The following PPFIA2 variants were observed in gnomAD, a reference collection of about 807,000 sequenced individuals.
PPFIA2 encodes liprin-alpha-2.
PPFIA2 carries 46 observed loss-of-function variants against 175.5 expected under a neutral mutation model. The observed-to-expected ratio is 0.26, with a 90% confidence interval of 0.21 to 0.34. PPFIA2 has a LOEUF of 0.34. Among genes scored for constraint, PPFIA2 ranks in the 10% least tolerant of loss-of-function variants. PPFIA2 has a pLI of 1.00. For missense variants in PPFIA2, 1,179 were observed against 1,506.1 expected (o/e 0.78, Z 3.60); for synonymous variants, 568 against 511.4 (o/e 1.11, Z -1.49).
chr12:81,404,776 CT>C lies in PPFIA2; in HGVS notation c.762+1010del. Among the ~76,000 whole-genome samples the C allele has an allele frequency of 3.3e-5, 5 of 152,216 alleles. 1 individual carries two copies. In the Middle Eastern group the frequency reaches 0.014, roughly 414 times the overall value. On this transcript the variant is annotated intron_variant, in intron 8 of 32. Coordinates refer to ENST00000549396, the MANE Select transcript of PPFIA2 (RefSeq NM_003625.5). ...TTGAAGGAAGAAACATAAGAAGTCC[CT>C]CTATTTTTTCTAACCACATAAGTGA...
At chr12:81,281,518 C>T (rs1179843019) in intron 26 of PPFIA2, 68 bp from the exon 27 acceptor site, 2 of 1,054,576 alleles carry the variant, frequency 1.9e-6, no homozygotes, top group Non-Finnish European at 2.7e-6. Context: ...ATAATATTAC[C>T]TATTATTATA....
intron 24 of PPFIA2, among the ~76,000 whole-genome samples, chr12:81,285,394 G>C (rs1204376929): frequency 6.6e-6 from 1 of 151,960 alleles, no homozygotes; most frequent in Non-Finnish European, 1.5e-5. Context: ...AATTCACTTT[G>C]GGTTTTTCTG....
intron 22 of PPFIA2, among the ~76,000 whole-genome samples, chr12:81,304,886 A>G (rs1006704034): frequency 1.3e-5 from 2 of 152,098 alleles, no homozygotes; most frequent in African/African-American, 4.8e-5. Flanking sequence ...TGTACATTAT[A>G]AAGGCATTTC....
intron 17 of PPFIA2, 64 bp from the exon 18 acceptor site, chr12:81,347,834 T>C: frequency 6.4e-7 from 1 of 1,562,428 alleles, no homozygotes; most frequent in Non-Finnish European, 8.6e-7. Context: ...TATGCTGCTG[T>C]AAGGATCATT....
chr12:81,454,222 G>T lies in PPFIA2; in HGVS notation c.405+3543C>A, dbSNP rs544061857. On this transcript the variant is annotated intron_variant, in intron 5 of 32. Coordinates refer to ENST00000549396, the MANE Select transcript of PPFIA2 (RefSeq NM_003625.5). ...GCAAGAGTGAGACCTCGTCTCAAAA[G>T]AATTAAAAAAAGAAAAAAATAAATT... Among the ~76,000 whole-genome samples the T allele has an allele frequency of 2.5e-3, 387 of 151,840 alleles. 1 individual carries two copies. Among genetic ancestry groups the T allele is most frequent in the Non-Finnish European group, 3.9e-3 (264 of 67,908 alleles).
intron 4 of PPFIA2, among the ~76,000 whole-genome samples, chr12:81,655,619 T>C (rs1386482422): frequency 6.6e-6 from 1 of 151,912 alleles, no homozygotes; most frequent in Non-Finnish European, 1.5e-5. Flanking sequence ...TTTTTAAAAT[T>C]TTCATGTTTA....
At chr12:81,581,408 GC>G (rs2074381253) in intron 4 of PPFIA2, among the ~76,000 whole-genome samples, 1 of 151,694 alleles carries the variant, frequency 6.6e-6, no homozygotes, top group Non-Finnish European at 1.5e-5. Flanking sequence ...GCCCTTCAGT[GC>G]ATTCTAGTAC....
chr12:81,267,799 ATTGAG>A (rs1474667198), intron 29 of PPFIA2, 108 bp downstream of exon 29: 3 of 878,510 alleles, frequency 3.4e-6, no homozygotes, highest in Non-Finnish European at 4.9e-6. Flanking sequence ...TATTTCAAAC[ATTGAG>A]TTAACTTTCA....
At chr12:81,292,953 T>C (rs1221722762) in intron 24 of PPFIA2, 1 of 152,066 alleles carries the variant, frequency 6.6e-6, no homozygotes, top group Non-Finnish European at 1.5e-5. Context: ...ATAAGCCTTT[T>C]AAATTTGACC....
chr12:81,642,190 C>T (rs1300294349), intron 4 of PPFIA2, among the ~76,000 whole-genome samples: 7 of 152,032 alleles, frequency 4.6e-5, no homozygotes, highest in East Asian at 1.9e-4. Flanking sequence ...CTCAAAGACT[C>T]TGTTATAATA....
chr12:81,299,723 T>C (rs2047348398), intron 22 of PPFIA2, among the ~76,000 whole-genome samples: 1 of 152,164 alleles, frequency 6.6e-6, no homozygotes. Context: ...CAAGTATGCA[T>C]TATGGGATCT....
intron 22 of PPFIA2, among the ~76,000 whole-genome samples, chr12:81,313,123 A>C (rs1350205958): frequency 6.6e-6 from 1 of 152,170 alleles, no homozygotes; most frequent in Non-Finnish European, 1.5e-5. Context: ...TGAAGAACCC[A>C]CTTGCTCCCT....
chr12:81,308,250 A>G (rs903953313), intron 22 of PPFIA2, among the ~76,000 whole-genome samples: 1 of 152,228 alleles, frequency 6.6e-6, no homozygotes, highest in South Asian at 2.1e-4. Context: ...CAGACAAATT[A>G]GGCTTTGGAT....
chr12:81,419,891 G>A (rs1473650414), intron 7 of PPFIA2, among the ~76,000 whole-genome samples: 1 of 152,104 alleles, frequency 6.6e-6, no homozygotes, highest in Non-Finnish European at 1.5e-5. Context: ...TTCAGACACA[G>A]GCACCAAGAA....
At chr12:81,581,634 T>C (rs140281191) in intron 4 of PPFIA2, among the ~76,000 whole-genome samples, 1,607 of 151,910 alleles carry the variant, frequency 0.011, 11 homozygotes, top group Non-Finnish European at 0.012. Flanking sequence ...TATTAGAATA[T>C]AAGCTCCATG....
At chr12:81,500,320 AC>A (rs1212905094) in intron 4 of PPFIA2, among the ~76,000 whole-genome samples, 1 of 152,164 alleles carries the variant, frequency 6.6e-6, no homozygotes, top group South Asian at 2.1e-4. Context: ...GTACTACACT[AC>A]CCCCTCCCAA....
In PPFIA2 at chr12:81,570,286, C is replaced by T. The variant is rs552363264; in HGVS notation, c.303+106505G>A. On this transcript the variant is annotated intron_variant, in intron 4 of 32. Coordinates refer to ENST00000549396, the MANE Select transcript of PPFIA2 (RefSeq NM_003625.5). Reference sequence around the variant, plus strand: ...CATTTAATATTGATTTGTATGTTTTCCTCAAATGTTGATAATATTTTTTTC... The same window carrying T: ...CATTTAATATTGATTTGTATGTTTTTCTCAAATGTTGATAATATTTTTTTC... Among the ~76,000 whole-genome samples the T allele has an allele frequency of 2.6e-5, 4 of 152,212 alleles. No homozygotes were observed. In the East Asian group the frequency reaches 7.7e-4, roughly 29 times the overall value.
chr12:81,402,895 A>G (rs2042309668), intron 8 of PPFIA2, among the ~76,000 whole-genome samples: 1 of 152,206 alleles, frequency 6.6e-6, no homozygotes, highest in South Asian at 2.1e-4. Flanking sequence ...ACTTCTTATT[A>G]CAACACTTTA....
intron 16 of PPFIA2, among the ~76,000 whole-genome samples, chr12:81,353,982 T>C (rs2060463931): frequency 6.6e-6 from 1 of 152,170 alleles, no homozygotes; most frequent in South Asian, 2.1e-4. Flanking sequence ...GTCTATTAAG[T>C]GTATAATTGC....
Sources: allele counts gnomAD v4.1 joint callset (sites outside exome capture counted in the v4.1 genomes callset), GRCh38; gene constraint gnomAD v4.1.1; transcripts MANE v1.5; gene names NCBI Gene and HGNC (gene_info 2026-07-23, HGNC 2026-07-21).